ATP8A1: variants seen among roughly 807,000 people sequenced by gnomAD.
ATP8A1 encodes phospholipid-transporting ATPase IA.
ATP8A1 carries 90 observed loss-of-function variants against 177.7 expected under a neutral mutation model. The observed-to-expected ratio is 0.51, with a 90% CI of 0.43 to 0.60. The LOEUF (loss-of-function observed/expected upper bound fraction) is 0.60, where lower values mean the gene tolerates loss of function less well. ATP8A1 is among the 20% of genes least tolerant of loss of function. The pLI is 0.00. For missense variants in ATP8A1, 1,072 were observed against 1,392.8 expected (o/e 0.77, Z 3.67); for synonymous variants, 493 against 485.9 (o/e 1.01, Z -0.19).
At chr4:42,475,269 G>A (rs549095439) in intron 25 of ATP8A1, among the ~76,000 whole-genome samples, 1 of 152,240 alleles carries the variant, frequency 6.6e-6, no homozygotes, top group Non-Finnish European at 1.5e-5. Context: ...GGGCTCAAGT[G>A]ATCCTCCTGT....
intron 1 of ATP8A1, among the ~76,000 whole-genome samples, chr4:42,630,712 G>GC (rs1738643141): frequency 6.6e-6 from 1 of 152,162 alleles, no homozygotes; most frequent in African/African-American, 2.4e-5. Context: ...TCCACTCAGT[G>GC]CCCCACCCAT....
At chr4:42,502,263 G>A (rs746153778) in intron 24 of ATP8A1, among the ~76,000 whole-genome samples, 8 of 152,098 alleles carry the variant, frequency 5.3e-5, no homozygotes, top group Non-Finnish European at 1.2e-4. Context: ...GGCAGTCCAA[G>A]TACCTTTGAA....
intron 25 of ATP8A1, among the ~76,000 whole-genome samples, chr4:42,481,327 T>C (rs1408454347): frequency 6.6e-6 from 1 of 152,162 alleles, no homozygotes; most frequent in African/African-American, 2.4e-5. Context: ...GGGGCATGTG[T>C]GTATTTCCCA....
At position 42,579,874 on chromosome 4, in the gene ATP8A1, A is replaced by G. The variant is rs1203013954; in HGVS notation, c.939T>C (p.Ser313=). ...CILIAMSLVC[S]VGSAIWNRRH... ...TTCGATTCCAAATGGCTGAGCCCAC[A>G]GAACAGACAAGAGACATGGCAATTA... is the stretch of plus-strand genomic sequence containing the variant. The change falls in exon 11 of 37, where the codon TCT becomes TCC. Residue 313 remains serine, a synonymous_variant. Transcript: ENST00000381668. 1 of 1,613,930 alleles carries G rather than the reference A, an allele frequency of 6.2e-7. No homozygotes were observed. The highest frequency in any genetic ancestry group is 1.1e-5 in the South Asian group (1 of 91,022).
intron 24 of ATP8A1, among the ~76,000 whole-genome samples, chr4:42,493,147 C>T (rs953124893): frequency 1.3e-5 from 2 of 152,120 alleles, no homozygotes; most frequent in South Asian, 2.1e-4. Context: ...CCAGGCTGGC[C>T]CGTGAGGGTG....
chr4:42,428,349 C>T (rs947805770), intron 33 of ATP8A1, among the ~76,000 whole-genome samples: 3 of 152,186 alleles, frequency 2.0e-5, no homozygotes, highest in African/African-American at 7.2e-5. Context: ...CACTGTCTTC[C>T]CTCCAAAGGC....
rs150928245 is a variant in ATP8A1, at chr4:42,623,526, G to A, written c.363+1010C>T. 2.9e-3 allele frequency among the ~76,000 whole-genome samples: 445 copies of A among 152,238 alleles called. 5 individuals carry two copies. The highest frequency in any genetic ancestry group is 0.01 in the African/African-American group (417 of 41,542). ...ATACTATGCAGCCATAAAAAAGAAC[G>A]AGATCATGTCCTTTGCAGGGACATG... On this transcript the variant is annotated intron_variant, in intron 4 of 36. Transcript: ENST00000381668.
intron 9 of ATP8A1, among the ~76,000 whole-genome samples, chr4:42,582,957 T>C (rs1201801489): frequency 1.3e-5 from 2 of 152,152 alleles, no homozygotes; most frequent in African/African-American, 4.8e-5. Context: ...CAAGTCTTCA[T>C]TTTAATAAGA....
chr4:42,426,622 T>C (rs1460880737), intron 33 of ATP8A1, among the ~76,000 whole-genome samples: 2 of 152,282 alleles, frequency 1.3e-5, no homozygotes. Context: ...ACATTGATTA[T>C]TAACAAACTT....
chr4:42,652,764 C>T (rs992686619), intron 1 of ATP8A1, among the ~76,000 whole-genome samples: 1 of 152,184 alleles, frequency 6.6e-6, no homozygotes, highest in African/African-American at 2.4e-5. Flanking sequence ...CCTGCACACG[C>T]TCTTTTGCCT....
At position 42,588,241 on chromosome 4, in the gene ATP8A1, T is replaced by C. The variant is rs1271914215; in HGVS notation, c.594+19A>G. 3.2e-6 allele frequency: 5 copies of C among 1,582,172 alleles called. No individual in the cohort carries two copies. Among genetic ancestry groups the C allele is most frequent in the South Asian group, 1.1e-5 (1 of 89,754 alleles). ...AATAAAATAGCAGTGATTATACATA[T>C]ACTTGTATCAGATCTTACCTGTCTA... On this transcript the variant is annotated intron_variant, in intron 8 of 36. Coordinates refer to ENST00000381668, the MANE Select transcript of ATP8A1 (RefSeq NM_006095.2).
intron 31 of ATP8A1, 23 bp from the exon 32 acceptor site, chr4:42,444,657 T>C: frequency 6.2e-7 from 1 of 1,607,294 alleles, no homozygotes; most frequent in Non-Finnish European, 8.5e-7. Context: ...GGGAAAATGT[T>C]ATTTTACCTC....
At chr4:42,434,224 T>C (rs375178068) in intron 33 of ATP8A1, among the ~76,000 whole-genome samples, 6 of 152,154 alleles carry the variant, frequency 3.9e-5, no homozygotes, top group South Asian at 4.1e-4. Context: ...TAAAATACTA[T>C]GATGTTATTA....
chr4:42,510,572 C>A (rs1724904379), intron 22 of ATP8A1, among the ~76,000 whole-genome samples: 1 of 151,820 alleles, frequency 6.6e-6, no homozygotes, highest in African/African-American at 2.4e-5. Context: ...TACAAGCCCT[C>A]AAAATTTCCT....
Position 42,656,853 on chromosome 4 carries a change from G to T in ATP8A1, c.21C>A (p.Thr7=). 6.3e-7 allele frequency: 1 copy of T among 1,586,422 alleles called. No individual in the cohort carries two copies. Among genetic ancestry groups the T allele is most frequent in the Middle Eastern group, 1.7e-4 (1 of 5,990 alleles). ...CGGCGCGCGAGCGGATCTCCGACAC[G>T]GTCCTCCGCATGGTGGGCATCGCGG... MPTMRR[T]VSEIRSRAEG... is the part of the protein sequence containing the mutation. The change falls in exon 1 of 37, where the codon ACC becomes ACA. Residue 7 remains threonine (T), a synonymous_variant. Transcript: ENST00000381668.
intron 22 of ATP8A1, among the ~76,000 whole-genome samples, chr4:42,519,235 G>A (rs1725868322): frequency 6.6e-6 from 1 of 152,020 alleles, no homozygotes; most frequent in South Asian, 2.1e-4. Flanking sequence ...GACCACAGGT[G>A]CATGCTACCA....
chr4:42,609,067 G>A (rs1736109816), intron 5 of ATP8A1, among the ~76,000 whole-genome samples: 1 of 152,022 alleles, frequency 6.6e-6, no homozygotes, highest in African/African-American at 2.4e-5. Flanking sequence ...GAAACTTCCT[G>A]GATTCCTCTT....
intron 21 of ATP8A1, among the ~76,000 whole-genome samples, chr4:42,522,941 A>T (rs146818395): frequency 6.6e-6 from 1 of 152,292 alleles, no homozygotes; most frequent in East Asian, 1.9e-4. Context: ...TTCAGTACCA[A>T]GCATAGTGGC....
intron 25 of ATP8A1, chr4:42,472,123 C>A: frequency 1.5e-6 from 1 of 670,608 alleles, no homozygotes; most frequent in East Asian, 2.9e-5. Flanking sequence ...CCTAAGCCAG[C>A]TTGAAAAAGC....
Sources: allele counts gnomAD v4.1 joint callset (sites outside exome capture counted in the v4.1 genomes callset), GRCh38; gene constraint gnomAD v4.1.1; transcripts MANE v1.5; gene names NCBI Gene and HGNC (gene_info 2026-07-23, HGNC 2026-07-21).